Variants in SLC30A7 observed in about 807,000 individuals in gnomAD.
SLC30A7 encodes zinc transporter 7.
A neutral mutation model predicts 46.0 loss-of-function variants in SLC30A7; 35 were observed. The ratio of observed to expected loss-of-function variants is 0.76; its 90% CI spans 0.58 to 1.01. The LOEUF (loss-of-function observed/expected upper bound fraction) is 1.01. Among genes scored for constraint, SLC30A7 ranks in the 50% least tolerant of loss-of-function variants. The probability of loss-of-function intolerance (pLI) is 0.00; values close to 1 mark genes in which losing one functional copy is unlikely to be tolerated. For missense variants in SLC30A7, 464 were observed against 451.1 expected (o/e 1.03, Z -0.26); for synonymous variants, 147 against 157.8 (o/e 0.93, Z 0.51).
downstream of SLC30A7, among the ~76,000 whole-genome samples, chr1:100,984,589 C>T (rs562142681): frequency 2.0e-5 from 3 of 152,148 alleles, no homozygotes; most frequent in South Asian, 2.1e-4. Flanking sequence ...CTTTGAAAAC[C>T]GAACTTACAC....
the SLC30A7 span, among the ~76,000 whole-genome samples, chr1:100,988,095 G>A: frequency 4.0e-5 from 6 of 151,382 alleles, no homozygotes; most frequent in South Asian, 6.2e-4. Flanking sequence ...GGGCATGCAC[G>A]GTTTGAGAGT....
chr1:100,913,836 C>G, intron 6 of SLC30A7, 30 bp downstream of exon 6: 6 of 1,575,586 alleles, frequency 3.8e-6, no homozygotes, highest in Non-Finnish European at 5.2e-6. Flanking sequence ...AAATGGACAG[C>G]CTCCAAATAA....
intron 6 of SLC30A7, among the ~76,000 whole-genome samples, chr1:100,915,200 T>TTCTTTC (rs1557981183): frequency 1.2e-3 from 95 of 80,888 alleles, no homozygotes; most frequent in African/African-American, 4.7e-3. Context: ...TTCTTTTCTT[T>TTCTTTC]CTTTCTTTCT....
intron 8 of SLC30A7, among the ~76,000 whole-genome samples, chr1:100,959,913 C>T (rs946397192): frequency 1.1e-4 from 16 of 151,966 alleles, no homozygotes; most frequent in African/African-American, 2.7e-4. Flanking sequence ...TAATAATCCA[C>T]GTAAAAGATA....
chr1:100,992,808 T>A, the SLC30A7 span: 1 of 1,093,492 alleles, frequency 9.1e-7, no homozygotes, highest in Non-Finnish European at 1.4e-6. Context: ...TTAATGCAAT[T>A]AGCTCTCCCA....
intron 2 of SLC30A7, among the ~76,000 whole-genome samples, chr1:100,906,035 T>A (rs1441054113): frequency 6.6e-6 from 1 of 152,184 alleles, no homozygotes. Context: ...TGGCCGTTAG[T>A]ATGGGACTTT....
chr1:100,979,436 C>CAAAAAAAAAAAAAAAAAAAAAAA lies in SLC30A7; in HGVS notation c.*4601_*4602insAAAAAAAAAAAAAAAAAAAAAAA. The CAAAAAAAAAAAAAAAAAAAAAAA allele has an allele frequency of 1.1e-5, 1 of 90,580 alleles. No individual in the cohort carries two copies. The highest frequency in any genetic ancestry group is 2.2e-5 in the Non-Finnish European group (1 of 45,638). The allele number at this position is 90,580 out of a possible 1,614,324, so 5.6% of individuals were successfully genotyped here. On this transcript the variant is annotated 3_prime_UTR_variant, in exon 11 of 11. Coordinates refer to ENST00000357650, the MANE Select transcript of SLC30A7 (RefSeq NM_133496.5). ...CAAATACAGTGAAAGATTATGTATCCAAAAAAAAAAAAAAAAAAAAAAGAA... is the reference window on the plus strand; with the variant it reads ...CAAATACAGTGAAAGATTATGTATCCAAAAAAAAAAAAAAAAAAAAAAAAAAAAAAAAAAAAAAAAAAAAAGAA...
At chr1:100,911,245 T>C in intron 4 of SLC30A7, 95 bp downstream of exon 4, 3 of 825,168 alleles carry the variant, frequency 3.6e-6, no homozygotes, top group Non-Finnish European at 5.6e-6. Context: ...CAACTATTAT[T>C]AAATATTGTG....
chr1:100,900,046 C>T (rs1204023237), intron 2 of SLC30A7, among the ~76,000 whole-genome samples: 8 of 151,956 alleles, frequency 5.3e-5, no homozygotes, highest in African/African-American at 1.9e-4. Flanking sequence ...AACCTGTCAT[C>T]TTCTATAGTT....
At chr1:100,898,733 G>A (rs1651125548) in intron 2 of SLC30A7, among the ~76,000 whole-genome samples, 1 of 152,132 alleles carries the variant, frequency 6.6e-6, no homozygotes, top group Non-Finnish European at 1.5e-5. Flanking sequence ...TTTGTTGACT[G>A]ATCAATAATT....
intron 8 of SLC30A7, among the ~76,000 whole-genome samples, chr1:100,957,717 C>T (rs1036556400): frequency 9.3e-5 from 14 of 150,930 alleles, no homozygotes; most frequent in South Asian, 2.1e-4. Context: ...ACTAAACTTA[C>T]GAGGTAGGTA....
intron 3 of SLC30A7, among the ~76,000 whole-genome samples, chr1:100,909,832 T>C (rs1651966452): frequency 6.6e-6 from 1 of 152,130 alleles, no homozygotes; most frequent in Non-Finnish European, 1.5e-5. Flanking sequence ...GCATTAGTTA[T>C]GGGACTACAA....
chr1:100,962,287 C>T (rs1223797061), intron 9 of SLC30A7, among the ~76,000 whole-genome samples: 1 of 152,110 alleles, frequency 6.6e-6, no homozygotes, highest in Non-Finnish European at 1.5e-5. Context: ...ATGGGACTTA[C>T]AGTCCAGTGG....
At chr1:100,961,254 C>T (rs543598630) in intron 8 of SLC30A7, among the ~76,000 whole-genome samples, 18 of 152,220 alleles carry the variant, frequency 1.2e-4, no homozygotes, top group Admixed American at 9.8e-4. Flanking sequence ...AGCCACCGCG[C>T]CCGGCCTGTT....
In SLC30A7 at chr1:100,926,535, C is replaced by T. The variant is rs1200340779; in HGVS notation, c.842+4694C>T. Among the ~76,000 whole-genome samples the T allele has an allele frequency of 2.0e-5, 3 of 152,110 alleles. No individual in the cohort carries two copies. The East Asian group carries it at 5.8e-4, about 29-fold the overall frequency. On this transcript the variant is annotated intron_variant, in intron 8 of 10. Transcript: ENST00000357650. ...GGGATCTGTCCCCATGATCCAAACA[C>T]CTCCCACCAGGCCCCACCTCCAGCA...
chr1:100,920,069 A>G (rs918794444), intron 7 of SLC30A7, among the ~76,000 whole-genome samples: 1 of 152,096 alleles, frequency 6.6e-6, no homozygotes, highest in Non-Finnish European at 1.5e-5. Flanking sequence ...AATGACACTT[A>G]CTAATAAAAC....
intron 8 of SLC30A7, among the ~76,000 whole-genome samples, chr1:100,922,893 G>A (rs1447836310): frequency 6.8e-6 from 1 of 146,638 alleles, no homozygotes; most frequent in Non-Finnish European, 1.5e-5. Context: ...TGACTGGACT[G>A]TTTTTATTTT....
chr1:100,897,385 T>A (rs1651036483), intron 2 of SLC30A7, among the ~76,000 whole-genome samples: 1 of 152,148 alleles, frequency 6.6e-6, no homozygotes, highest in Admixed American at 6.5e-5. Context: ...ACTTAAGGTC[T>A]TATGAAGTTG....
At chr1:100,934,094 T>C (rs887035892) in intron 8 of SLC30A7, among the ~76,000 whole-genome samples, 8 of 152,220 alleles carry the variant, frequency 5.3e-5, no homozygotes, top group Non-Finnish European at 1.5e-5. Context: ...ATTTGTGGAA[T>C]TTTGGTGACC....
Sources: allele counts gnomAD v4.1 joint callset (sites outside exome capture counted in the v4.1 genomes callset), GRCh38; gene constraint gnomAD v4.1.1; transcripts MANE v1.5; gene names NCBI Gene and HGNC (gene_info 2026-07-23, HGNC 2026-07-21).